CACNA1E: variants seen among roughly 807,000 people sequenced by gnomAD.
CACNA1E encodes the protein calcium voltage-gated channel subunit alpha1 E.
A neutral mutation model predicts 259.2 loss-of-function variants in CACNA1E; 40 were observed. The ratio of observed to expected loss-of-function variants is 0.15; its 90% CI spans 0.12 to 0.20. The LOEUF (loss-of-function observed/expected upper bound fraction) is 0.20. CACNA1E is among the 10% of genes least tolerant of loss of function. CACNA1E has a pLI of 1.00. For missense variants in CACNA1E, 1,874 were observed against 3,040.1 expected (o/e 0.62, Z 9.02); for synonymous variants, 1,104 against 1,138.5 (o/e 0.97, Z 0.61).
At chr1:181,715,304 C>T in intron 8 of CACNA1E, 34 bp from the exon 9 acceptor site, 1 of 1,389,504 alleles carries the variant, frequency 7.2e-7, no homozygotes, top group Non-Finnish European at 1.0e-6. Context: ...TTGGCATTTA[C>T]AGATAATTTA....
intron 6 of CACNA1E, among the ~76,000 whole-genome samples, chr1:181,589,595 T>C (rs192426241): frequency 2.6e-5 from 4 of 152,296 alleles, no homozygotes; most frequent in African/African-American, 9.6e-5. Context: ...GGCTCACACC[T>C]GTAGTCCCAG....
At chr1:181,345,830 C>T (rs1479908234) in intron 1 of CACNA1E, among the ~76,000 whole-genome samples, 1 of 152,164 alleles carries the variant, frequency 6.6e-6, no homozygotes, top group Non-Finnish European at 1.5e-5. Flanking sequence ...CTGACAGAGG[C>T]AGGAGTCGGG....
intron 6 of CACNA1E, among the ~76,000 whole-genome samples, chr1:181,637,182 A>G (rs1302606550): frequency 1.3e-5 from 2 of 152,170 alleles, no homozygotes; most frequent in Non-Finnish European, 2.9e-5. Flanking sequence ...GTTTTGTTTT[A>G]ATCCTTTCCT....
At chr1:181,684,300 C>A (rs981373752) in intron 7 of CACNA1E, among the ~76,000 whole-genome samples, 2 of 152,042 alleles carry the variant, frequency 1.3e-5, no homozygotes, top group African/African-American at 4.8e-5. Flanking sequence ...AGTGCTTGTT[C>A]ATGTCTTTTG....
chr1:181,564,516 A>C (rs1649629731), intron 3 of CACNA1E, among the ~76,000 whole-genome samples: 1 of 152,182 alleles, frequency 6.6e-6, no homozygotes, highest in Admixed American at 6.5e-5. Context: ...TACTTCCTCC[A>C]CTGAAGTTTT....
chr1:181,693,128 C>CAAAAAAAA (rs61662957), intron 7 of CACNA1E, among the ~76,000 whole-genome samples: 44 of 97,826 alleles, frequency 4.5e-4, no homozygotes, highest in Non-Finnish European at 4.8e-4. Context: ...CTATCTAAAG[C>CAAAAAAAA]AAAAAAAAAA....
intron 6 of CACNA1E, among the ~76,000 whole-genome samples, chr1:181,637,612 C>T (rs1037742310): frequency 6.6e-6 from 1 of 152,098 alleles, no homozygotes; most frequent in African/African-American, 2.4e-5. Flanking sequence ...TGCTGAGCAC[C>T]TACTGAGAGC....
intron 3 of CACNA1E, among the ~76,000 whole-genome samples, chr1:181,558,741 A>G (rs1405640642): frequency 2.0e-5 from 3 of 152,230 alleles, no homozygotes; most frequent in Non-Finnish European, 4.4e-5. Context: ...ATGAGAAGCT[A>G]TAAGCCAGAC....
intron 14 of CACNA1E, among the ~76,000 whole-genome samples, 189 bp downstream of exon 14, chr1:181,720,526 G>A (rs1254780727): frequency 6.6e-6 from 1 of 152,112 alleles, no homozygotes; most frequent in African/African-American, 2.4e-5. Flanking sequence ...TGCTGTACAG[G>A]GTTCTCATTC....
intron 1 of CACNA1E, among the ~76,000 whole-genome samples, chr1:181,336,962 A>C: frequency 6.7e-6 from 1 of 149,404 alleles, no homozygotes; most frequent in African/African-American, 2.4e-5. Context: ...TGCAAAGAAA[A>C]TTAAAATATA....
At chr1:181,779,354 C>T (rs1165214790) in intron 38 of CACNA1E, 4 of 312,904 alleles carry the variant, frequency 1.3e-5, no homozygotes, top group Non-Finnish European at 2.1e-5. Flanking sequence ...GCTCTGACCT[C>T]TTTCAGCCAT....
chr1:181,346,203 A>T (rs2102651436), intron 1 of CACNA1E, among the ~76,000 whole-genome samples: 1 of 152,352 alleles, frequency 6.6e-6, no homozygotes, highest in African/African-American at 2.4e-5. Context: ...GTGTCTCCAT[A>T]GTTCTGTCCC....
intron 1 of CACNA1E, among the ~76,000 whole-genome samples, chr1:181,399,601 CTGAA>C (rs1242852761): frequency 6.6e-6 from 1 of 152,210 alleles, no homozygotes; most frequent in Non-Finnish European, 1.5e-5. Flanking sequence ...TGTTCAAAGA[CTGAA>C]TGACTGTGGA....
intron 2 of CACNA1E, among the ~76,000 whole-genome samples, chr1:181,446,101 T>C (rs1486461709): frequency 6.6e-6 from 1 of 152,226 alleles, no homozygotes; most frequent in Non-Finnish European, 1.5e-5. Flanking sequence ...CTATGCTCAC[T>C]AGCAGGGCTG....
intron 17 of CACNA1E, among the ~76,000 whole-genome samples, 189 bp downstream of exon 17, chr1:181,724,726 G>T (rs1030487028): frequency 6.6e-6 from 1 of 152,170 alleles, no homozygotes; most frequent in African/African-American, 2.4e-5. Flanking sequence ...ATTGAGTTTG[G>T]TGAGCCTCAA....
At chr1:181,702,072 T>C (rs1204675032) in intron 7 of CACNA1E, among the ~76,000 whole-genome samples, 1 of 152,162 alleles carries the variant, frequency 6.6e-6, no homozygotes, top group Non-Finnish European at 1.5e-5. Context: ...TTTGGTGCTA[T>C]TGAGCTTAAT....
intron 1 of CACNA1E, among the ~76,000 whole-genome samples, chr1:181,326,138 A>G (rs1425703148): frequency 6.6e-6 from 1 of 151,942 alleles, no homozygotes; most frequent in East Asian, 1.9e-4. Context: ...TCGTTTAACA[A>G]CTCCCCAGAA....
intron 1 of CACNA1E, among the ~76,000 whole-genome samples, chr1:181,497,930 G>A (rs112991230): frequency 3.3e-4 from 50 of 152,248 alleles, no homozygotes; most frequent in African/African-American, 1.1e-3. Context: ...ACTGGAATGC[G>A]AGCTTGAGTC....
At chr1:181,745,757 G>C (rs1657020753) in intron 25 of CACNA1E, among the ~76,000 whole-genome samples, 1 of 149,226 alleles carries the variant, frequency 6.7e-6, no homozygotes, top group African/African-American at 2.6e-5. Context: ...GGCCTTCTTA[G>C]AAAGATCAGC....
Sources: gnomAD v4.1 joint callset for allele counts (sites outside exome capture counted in the v4.1 genomes callset) on GRCh38, gnomAD v4.1.1 for gene constraint, MANE v1.5 for transcripts, NCBI Gene and HGNC (gene_info 2026-07-23, HGNC 2026-07-21) for gene names.